ZFHX3: variants seen among roughly 807,000 people sequenced by gnomAD.
The protein encoded by ZFHX3 is zinc finger homeobox protein 3.
Under a neutral mutation model 279.1 loss-of-function variants are expected in ZFHX3, and 42 were observed. The ratio of observed to expected loss-of-function variants is 0.15; its 90% CI spans 0.12 to 0.19. The LOEUF is 0.19. Ranked by LOEUF, ZFHX3 falls within the 10% of genes least tolerant of loss-of-function variation. ZFHX3 has a pLI of 1.00. For missense variants in ZFHX3, 4,981 were observed against 4,754.0 expected, an observed-to-expected ratio of 1.05 and a Z score of -1.40; for synonymous variants, 2,293 against 1,957.8, an observed-to-expected ratio of 1.17 and a Z score of -4.52.
At chr16:73,730,859 T>A (rs1031039554) in intron 1 of ZFHX3, among the ~76,000 whole-genome samples, 48 of 152,296 alleles carry the variant, frequency 3.2e-4, no homozygotes, top group African/African-American at 1.1e-3. Context: ...CTTCCAGCTC[T>A]ACACAGCCTC....
At position 72,793,189 on chromosome 16, in the gene ZFHX3, C is replaced by T. The variant is rs1249285259; in HGVS notation, c.9427+66G>A. On this transcript the variant is annotated intron_variant, in intron 9 of 9. Transcript: ENST00000268489. This position sits in a 1 kb window ranked among gnomAD's most constrained non-coding sequence, Gnocchi z 4.3. ...AGCACTCAGAGGGTTTGGGTGGTAT[C>T]CACATAACAGAATGCTGACTGGGCA... 8.5e-6 allele frequency: 13 copies of T among 1,535,150 alleles called. No individual in the cohort carries two copies. The African/African-American group carries it at 1.8e-4, about 21-fold the overall frequency.
At chr16:72,856,072 G>A (rs1470362542) in intron 4 of ZFHX3, among the ~76,000 whole-genome samples, 1 of 152,250 alleles carries the variant, frequency 6.6e-6, no homozygotes, top group Non-Finnish European at 1.5e-5. Context: ...ATAAAAGTTA[G>A]TTTGGCTCCC....
In ZFHX3 at chr16:73,264,051, C is replaced by T. The variant is rs1470612375; in HGVS notation, c.-1193-6915G>A. Among the ~76,000 whole-genome samples, 5 of 152,138 alleles carry T rather than the reference C, an allele frequency of 3.3e-5. No individual in the cohort carries two copies. The East Asian group carries it at 9.6e-4, about 29-fold the overall frequency. ...GCGTGGTGGCAGACGCCTGTGGTCC[C>T]AGCTACTTGGGAGACTGAGGCATGA... On this transcript the variant is annotated intron_variant, in intron 4 of 17. Transcript: ENST00000641206.
intron 7 of ZFHX3, among the ~76,000 whole-genome samples, chr16:73,124,576 C>T (rs186015083): frequency 1.1e-4 from 16 of 152,272 alleles, no homozygotes; most frequent in South Asian, 2.1e-4. Flanking sequence ...TTGATAGCAA[C>T]GGTAACAGTG....
intron 2 of ZFHX3, among the ~76,000 whole-genome samples, chr16:73,641,506 G>C (rs2052572968): frequency 6.6e-6 from 1 of 152,170 alleles, no homozygotes; most frequent in South Asian, 2.1e-4. Context: ...AGAAAATTAG[G>C]CAGGCGAAAA....
intron 1 of ZFHX3, among the ~76,000 whole-genome samples, chr16:72,979,213 C>T (rs368304219): frequency 2.6e-5 from 4 of 152,246 alleles, no homozygotes; most frequent in African/African-American, 4.8e-5. Context: ...CCAACAACAG[C>T]GCTCCTGTGT....
chr16:72,922,313 TCTC>T lies in ZFHX3; in HGVS notation c.3216+28153_3216+28155del, dbSNP rs543197791. Among the ~76,000 whole-genome samples the T allele has an allele frequency of 2.8e-3, 419 of 152,128 alleles. 6 individuals are homozygous for T. Among genetic ancestry groups the T allele is most frequent in the Non-Finnish European group, 1.0e-3 (69 of 67,990 alleles). Reference sequence around the variant, plus strand: ...CTGAAGGAGCTTTAACCCTCCATCCTCTCCTAACCATCCCCGCATTAGGACGGT... The same window carrying T: ...CTGAAGGAGCTTTAACCCTCCATCCTCTAACCATCCCCGCATTAGGACGGT... On this transcript the variant is annotated intron_variant, in intron 3 of 9. Coordinates refer to ENST00000268489, the MANE Select transcript of ZFHX3 (RefSeq NM_006885.4).
intron 1 of ZFHX3, among the ~76,000 whole-genome samples, chr16:73,799,291 C>G (rs569807042): frequency 7.9e-4 from 120 of 152,292 alleles, no homozygotes; most frequent in African/African-American, 2.7e-3. Flanking sequence ...TGTTTCTGAA[C>G]ATGGGAAGAT....
At chr16:73,715,315 T>C (rs186551286) in intron 1 of ZFHX3, among the ~76,000 whole-genome samples, 37 of 152,292 alleles carry the variant, frequency 2.4e-4, no homozygotes, top group Admixed American at 2.4e-3. Context: ...CATGCTGGCA[T>C]AGTATGGCTA....
intron 3 of ZFHX3, among the ~76,000 whole-genome samples, chr16:72,949,515 G>A (rs982975912): frequency 2.0e-5 from 3 of 152,104 alleles, no homozygotes; most frequent in Non-Finnish European, 4.4e-5. Flanking sequence ...CAATTCTGCC[G>A]TGCAAGTGAA....
intron 3 of ZFHX3, among the ~76,000 whole-genome samples, chr16:73,351,691 A>G (rs2016244616): frequency 6.6e-6 from 1 of 152,206 alleles, no homozygotes; most frequent in Non-Finnish European, 1.5e-5. Context: ...ATCAAATGGA[A>G]TCCTTTTAAA....
At chr16:73,170,143 C>T (rs76545056) in intron 5 of ZFHX3, among the ~76,000 whole-genome samples, 20 of 149,404 alleles carry the variant, frequency 1.3e-4, no homozygotes, top group Admixed American at 6.7e-4. Flanking sequence ...ATGCTAACTG[C>T]GAAAGTGCAG....
At chr16:72,966,739 C>T (rs1961862155) in intron 1 of ZFHX3, among the ~76,000 whole-genome samples, 2 of 152,194 alleles carry the variant, frequency 1.3e-5, no homozygotes, top group South Asian at 4.1e-4. Flanking sequence ...ACCCTGCCTG[C>T]CACAGGCAAG....
intron 3 of ZFHX3, among the ~76,000 whole-genome samples, chr16:73,435,986 C>A (rs907757577): frequency 1.3e-5 from 2 of 152,108 alleles, no homozygotes; most frequent in African/African-American, 4.8e-5. Context: ...CTGTTTTAGT[C>A]CGTTTTCTCA....
chr16:73,516,127 T>A (rs937646029), intron 2 of ZFHX3, among the ~76,000 whole-genome samples: 1 of 152,210 alleles, frequency 6.6e-6, no homozygotes, highest in Non-Finnish European at 1.5e-5. Flanking sequence ...CCATGAGCTA[T>A]ACAAATGCAT....
intron 5 of ZFHX3, among the ~76,000 whole-genome samples, chr16:72,812,770 T>C (rs1293758556): frequency 6.6e-6 from 1 of 152,146 alleles, no homozygotes; most frequent in Non-Finnish European, 1.5e-5. Context: ...ATGCCCCTCT[T>C]GCTTACACCA....
intron 2 of ZFHX3, among the ~76,000 whole-genome samples, chr16:73,484,034 T>C (rs567686900): frequency 6.6e-6 from 1 of 151,542 alleles, no homozygotes; most frequent in Non-Finnish European, 1.5e-5. Flanking sequence ...TGCACGGACT[T>C]GATTGCAAGA....
At chr16:73,593,975 G>C (rs2052024268) in intron 2 of ZFHX3, among the ~76,000 whole-genome samples, 1 of 152,116 alleles carries the variant, frequency 6.6e-6, no homozygotes, top group Non-Finnish European at 1.5e-5. Flanking sequence ...ATGTGAAACG[G>C]GGATTAAGAA....
chr16:73,354,545 T>C (rs934891254), intron 3 of ZFHX3, among the ~76,000 whole-genome samples: 3 of 152,194 alleles, frequency 2.0e-5, no homozygotes, highest in Admixed American at 6.5e-5. Context: ...GCAGGTAACA[T>C]GCCTGTTACC....
Sources: allele counts gnomAD v4.1 joint callset (sites outside exome capture counted in the v4.1 genomes callset), GRCh38; gene constraint gnomAD v4.1.1; non-coding constraint Gnocchi (gnomAD v3.1); transcripts MANE v1.5; gene names NCBI Gene and HGNC (gene_info 2026-07-23, HGNC 2026-07-21).